Variants in PLA2G7 observed in about 807,000 individuals in gnomAD.
PLA2G7 encodes platelet-activating factor acetylhydrolase.
In PLA2G7, 63 loss-of-function variants were observed where a neutral mutation model predicts 49.6. The observed-to-expected ratio is 1.27, with a 90% CI of 1.04 to 1.57. The LOEUF (loss-of-function observed/expected upper bound fraction) is 1.57, where lower values mean the gene tolerates loss of function less well. PLA2G7 is among the 40% of genes most tolerant of loss of function. The probability of loss-of-function intolerance (pLI) is 0.00; values close to 1 mark genes in which losing one functional copy is unlikely to be tolerated. For missense variants in PLA2G7, 596 were observed against 521.2 expected (o/e 1.14, Z -1.40); for synonymous variants, 193 against 169.9 (o/e 1.14, Z -1.06).
intron 1 of PLA2G7, among the ~76,000 whole-genome samples, chr6:46,729,933 A>G (rs1238872709): frequency 1.3e-5 from 2 of 152,234 alleles, no homozygotes; most frequent in East Asian, 3.8e-4. Context: ...TAACTGGAAA[A>G]TAAGCCCTGA....
Position 46,710,656 on chromosome 6 carries a change from T to A in PLA2G7, c.666A>T (p.Val222=), listed in dbSNP as rs138409248. Residue 222 remains valine (V), a splice_region_variant and synonymous_variant, in exon 8 of 12, where the codon GTA becomes GTT. Coordinates refer to ENST00000274793, the MANE Select transcript of PLA2G7 (RefSeq NM_005084.4). ...GGGAACATTCTTTTGCTCTTTGCCGTACCTAATATAATTATTAGAAGAAGG... is the reference window on the plus strand; with the variant it reads ...GGGAACATTCTTTTGCTCTTTGCCGAACCTAATATAATTATTAGAAGAAGG... ...EEETHIRNEQ[V]RQRAKECSQA... The A allele has an allele frequency of 4.1e-4, 656 of 1,596,248 alleles. No individual in the cohort carries two copies. The highest frequency in any genetic ancestry group is 5.3e-4 in the Non-Finnish European group (620 of 1,163,810).
At position 46,705,322 on chromosome 6, in the gene PLA2G7, TAA is replaced by T. The variant is rs1299900306; in HGVS notation, c.1041-23_1041-22del. The T allele has an allele frequency of 1.9e-6, 3 of 1,601,152 alleles. No individual in the cohort carries two copies. In the African/African-American group the frequency reaches 4.0e-5, roughly 21 times the overall value. ...AACCCCTAAAAGAGAACAAGACATT[TAA>T]AAGTCACATTGTTTGATAAAATTAT... On this transcript the variant is annotated intron_variant, in intron 10 of 11. Transcript: ENST00000274793.
intron 1 of PLA2G7, among the ~76,000 whole-genome samples, chr6:46,732,362 C>CACAT (rs1461235840): frequency 2.5e-5 from 3 of 117,938 alleles, no homozygotes; most frequent in African/African-American, 1.2e-4. Context: ...ATATCCAACA[C>CACAT]ACACATACAC....
In PLA2G7 at chr6:46,716,637, A is replaced by G. The variant is rs1582573799; in HGVS notation, c.232-109T>C. On this transcript the variant is annotated intron_variant, in intron 3 of 11. Transcript: ENST00000274793. ...GGGACTCAAATACCTCTGTGTTCAC[A>G]AAAAGGTCTAAAGAACTTTTTAGGC... 8 of 1,115,948 alleles carry G rather than the reference A, an allele frequency of 7.2e-6. No individual in the cohort carries two copies. In the East Asian group the frequency reaches 1.7e-4, roughly 24 times the overall value. The allele number at this position is 1,115,948 out of a possible 1,614,324, so 69.1% of individuals were successfully genotyped here. A position where few individuals can be genotyped will look rare whatever the true frequency, so the allele number is the denominator to read the frequency against.
chr6:46,719,721 C>T (rs935822447), intron 2 of PLA2G7, among the ~76,000 whole-genome samples: 1 of 152,180 alleles, frequency 6.6e-6, no homozygotes, highest in Non-Finnish European at 1.5e-5. Context: ...GACCAGCCCA[C>T]AGTACAGTTG....
chr6:46,720,263 G>A (rs1562076019), intron 2 of PLA2G7, among the ~76,000 whole-genome samples: 1 of 152,222 alleles, frequency 6.6e-6, no homozygotes, highest in Non-Finnish European at 1.5e-5. Flanking sequence ...GGCATGGGAG[G>A]GTTTCACCCA....
intron 1 of PLA2G7, among the ~76,000 whole-genome samples, chr6:46,732,381 A>G (rs1265844793): frequency 6.6e-6 from 1 of 151,608 alleles, no homozygotes; most frequent in Admixed American, 6.6e-5. Flanking sequence ...ACACACACAC[A>G]CACACACACA....
rs1420368113 is a variant in PLA2G7, at chr6:46,714,459, C to A, written c.470+1G>T. On this transcript the variant is annotated splice_donor_variant, in intron 5 of 11. Coordinates refer to ENST00000274793, the MANE Select transcript of PLA2G7 (RefSeq NM_005084.4). LOFTEE classifies it high-confidence loss of function. ...AAATTGTTCAACCTCTCAAACATTA[C>A]CTGAATGCCCCAAGACCATGAGAAA... is the stretch of plus-strand genomic sequence containing the variant. 1.3e-6 allele frequency: 2 copies of A among 1,593,398 alleles called. No individual in the cohort carries two copies. Among genetic ancestry groups the A allele is most frequent in the Admixed American group, 1.7e-5 (1 of 59,960 alleles).
At chr6:46,733,935 T>G (rs1006611829) in intron 1 of PLA2G7, among the ~76,000 whole-genome samples, 5 of 152,194 alleles carry the variant, frequency 3.3e-5, no homozygotes, top group Non-Finnish European at 5.9e-5. Flanking sequence ...CCTGATTTGT[T>G]AACACATCCC....
chr6:46,717,144 G>C lies in PLA2G7; in HGVS notation c.110-48C>G, dbSNP rs770658565. 3.2e-6 allele frequency: 5 copies of C among 1,544,702 alleles called. No individual in the cohort carries two copies. In the South Asian group the frequency reaches 5.6e-5, roughly 17 times the overall value. ...CTCATTTGTCATCCATTACATATCAGATTTTATTATGCAAAAGAATTCCAA... is the reference window on the plus strand; with the variant it reads ...CTCATTTGTCATCCATTACATATCACATTTTATTATGCAAAAGAATTCCAA... On this transcript the variant is annotated intron_variant, in intron 2 of 11. Transcript: ENST00000274793.
upstream of PLA2G7, chr6:46,735,582 G>C (rs9395208): frequency 0.21 from 31,322 of 152,576 alleles, 3,556 homozygotes; most frequent in South Asian, 0.46. Context: ...CCGCCGCGGA[G>C]AGAGCCAGGC....
chr6:46,707,842 C>T (rs1764878243), intron 10 of PLA2G7, 149 bp downstream of exon 10: 5 of 601,428 alleles, frequency 8.3e-6, no homozygotes, highest in Non-Finnish European at 1.5e-5. Flanking sequence ...ACTAAATGTA[C>T]TTAGAAACTG....
intron 5 of PLA2G7, among the ~76,000 whole-genome samples, chr6:46,713,640 A>G (rs1397536085): frequency 6.6e-6 from 1 of 152,116 alleles, no homozygotes. Context: ...CATCTCTCTT[A>G]TTTTCTGAGT....
intron 2 of PLA2G7, among the ~76,000 whole-genome samples, chr6:46,721,037 G>A (rs1044415403): frequency 6.6e-6 from 1 of 151,902 alleles, no homozygotes; most frequent in African/African-American, 2.4e-5. Flanking sequence ...CAATATATAT[G>A]CATTCTTTTT....
chr6:46,711,867 G>A (rs144091013), intron 6 of PLA2G7, among the ~76,000 whole-genome samples: 15 of 152,152 alleles, frequency 9.9e-5, no homozygotes, highest in Admixed American at 3.3e-4. Flanking sequence ...GGCAATGTTA[G>A]CCATGTTGAA....
chr6:46,715,591 T>C (rs1244634541), intron 4 of PLA2G7, among the ~76,000 whole-genome samples: 1 of 152,258 alleles, frequency 6.6e-6, no homozygotes, highest in Non-Finnish European at 1.5e-5. Context: ...TGTGTTTCAT[T>C]TTCTCATCTA....
chr6:46,729,764 T>C (rs952295361), intron 1 of PLA2G7, among the ~76,000 whole-genome samples: 18 of 152,174 alleles, frequency 1.2e-4, no homozygotes, highest in Admixed American at 5.9e-4. Context: ...CTCTACCCAC[T>C]AGATGCCAAT....
In PLA2G7 at chr6:46,714,459, C is replaced by T. The variant is rs1420368113; in HGVS notation, c.470+1G>A. ...AAATTGTTCAACCTCTCAAACATTA[C>T]CTGAATGCCCCAAGACCATGAGAAA... On this transcript the variant is annotated splice_donor_variant, in intron 5 of 11. Transcript: ENST00000274793. LOFTEE classifies it high-confidence loss of function. 17 of 1,593,278 alleles carry T rather than the reference C, an allele frequency of 1.1e-5. No homozygotes were observed. Among genetic ancestry groups the T allele is most frequent in the Non-Finnish European group, 1.5e-5 (17 of 1,161,372 alleles).
intron 7 of PLA2G7, 115 bp from the exon 8 acceptor site, chr6:46,710,773 T>C: frequency 7.9e-6 from 6 of 761,114 alleles, no homozygotes; most frequent in Non-Finnish European, 1.4e-5. Flanking sequence ...AAACTGGAAA[T>C]CTGATTAGTG....
Sources: gnomAD v4.1 joint callset for allele counts (sites outside exome capture counted in the v4.1 genomes callset) on GRCh38, gnomAD v4.1.1 for gene constraint, MANE v1.5 for transcripts, NCBI Gene and HGNC (gene_info 2026-07-23, HGNC 2026-07-21) for gene names.